The following BICD1 variants were observed in gnomAD, a reference collection of about 807,000 sequenced individuals.
BICD1 encodes the protein protein bicaudal D homolog 1.
Under a neutral mutation model 92.5 loss-of-function variants are expected in BICD1, and 35 were observed. The ratio of observed to expected loss-of-function variants is 0.38; its 90% CI spans 0.29 to 0.50. The LOEUF (loss-of-function observed/expected upper bound fraction) is 0.50, where lower values mean the gene tolerates loss of function less well. Among genes scored for constraint, BICD1 ranks in the 20% least tolerant of loss-of-function variants. The probability of loss-of-function intolerance (pLI) is 0.93; values close to 1 mark genes in which losing one functional copy is unlikely to be tolerated. For missense variants in BICD1, 950 were observed against 1,189.8 expected (o/e 0.80, Z 2.97); for synonymous variants, 429 against 465.1 (o/e 0.92, Z 1.00).
At chr12:32,375,167 C>T (rs1042079746) in intron 9 of BICD1, among the ~76,000 whole-genome samples, 10 of 151,650 alleles carry the variant, frequency 6.6e-5, no homozygotes, top group African/African-American at 2.4e-4. Context: ...GCTCATGATC[C>T]GCCCGCCTTG....
chr12:32,123,520 A>C lies in BICD1; in HGVS notation c.213+15976A>C, dbSNP rs185339552. Among the ~76,000 whole-genome samples the C allele has an allele frequency of 3.9e-5, 6 of 152,354 alleles. No individual in the cohort carries two copies. The East Asian group carries it at 1.2e-3, about 29-fold the overall frequency. On this transcript the variant is annotated intron_variant, in intron 1 of 9. Coordinates refer to ENST00000652176, the MANE Select transcript of BICD1 (RefSeq NM_001714.4). ...TTCCTTCCCACCATAGCAGGTGTTT[A>C]ATAGGTGGTTATGGTATTGCACTGA...
rs56217529 is a variant in BICD1 at position 32,282,202 on chromosome 12, CTTTTTTTTTTTTTT to C, written c.427-11769_427-11756del. ...GCAAGACCCAGCTTCAGGTCTTCTTCTTTTTTTTTTTTTTTTTTTTTTTTTTTTTTTTTTTTGAC... is the reference window on the plus strand; with the variant it reads ...GCAAGACCCAGCTTCAGGTCTTCTTCTTTTTTTTTTTTTTTTTTTTTTGAC... On this transcript the variant is annotated intron_variant, in intron 2 of 9. Transcript: ENST00000652176. Among the ~76,000 whole-genome samples, 173 of 94,254 alleles carry C rather than the reference CTTTTTTTTTTTTTT, an allele frequency of 1.8e-3. 8 individuals are homozygous for C. The highest frequency in any genetic ancestry group is 3.0e-3 in the South Asian group (8 of 2,676). The allele number at this position is 94,254 out of a possible 152,430, so 61.8% of individuals were successfully genotyped here. A position where few individuals can be genotyped will look rare whatever the true frequency, so the allele number is the denominator to read the frequency against.
At chr12:32,111,457 T>C (rs1318859861) in intron 1 of BICD1, among the ~76,000 whole-genome samples, 4 of 152,234 alleles carry the variant, frequency 2.6e-5, no homozygotes, top group Non-Finnish European at 5.9e-5. Context: ...GTTTCTTTTA[T>C]ATCTTTAAGT....
At chr12:32,117,709 T>TACACACACACACACACAC (rs71064996) in intron 1 of BICD1, among the ~76,000 whole-genome samples, 13 of 85,150 alleles carry the variant, frequency 1.5e-4, no homozygotes, top group African/African-American at 6.9e-4. Flanking sequence ...CACAAATATA[T>TACACACACACACACACAC]ATACACACAC....
chr12:32,204,115 T>C (rs1337198218), intron 1 of BICD1, among the ~76,000 whole-genome samples: 3 of 152,060 alleles, frequency 2.0e-5, no homozygotes, highest in Non-Finnish European at 4.4e-5. Context: ...TTGGGAGGCC[T>C]AGACAGGTGG....
At chr12:32,304,073 CAAA>C (rs201713099) in intron 3 of BICD1, among the ~76,000 whole-genome samples, 1 of 140,132 alleles carries the variant, frequency 7.1e-6, no homozygotes. Flanking sequence ...GACTCCGTCT[CAAA>C]AAAAAAAAAA....
intron 2 of BICD1, among the ~76,000 whole-genome samples, chr12:32,217,355 T>A (rs1254501087): frequency 6.6e-6 from 1 of 152,224 alleles, no homozygotes; most frequent in African/African-American, 2.4e-5. Context: ...TTCAATATTG[T>A]AAAGTATAAG....
At chr12:32,208,893 C>T (rs1472505129) in intron 1 of BICD1, among the ~76,000 whole-genome samples, 1 of 151,946 alleles carries the variant, frequency 6.6e-6, no homozygotes, top group Non-Finnish European at 1.5e-5. Flanking sequence ...GGTGCAATCT[C>T]AGCTCACTGC....
intron 1 of BICD1, among the ~76,000 whole-genome samples, chr12:32,117,705 T>TACACACAC (rs1187433090): frequency 1.2e-3 from 105 of 86,042 alleles, no homozygotes; most frequent in Middle Eastern, 0.012. Context: ...TATACACAAA[T>TACACACAC]ATATATACAC....
At chr12:32,341,463 C>CA (rs36000130) in intron 8 of BICD1, among the ~76,000 whole-genome samples, 65,029 of 121,412 alleles carry the variant, frequency 0.54, 16,388 homozygotes, top group East Asian at 0.73. Flanking sequence ...GACACTGTCT[C>CA]AAAAAAAAAA....
At chr12:32,113,137 T>C (rs1322914080) in intron 1 of BICD1, among the ~76,000 whole-genome samples, 1 of 152,072 alleles carries the variant, frequency 6.6e-6, no homozygotes, top group East Asian at 1.9e-4. Context: ...GTGATGGTCA[T>C]AGTGGGTGGA....
At position 32,377,643 on chromosome 12, in the gene BICD1, G is replaced by A. The variant is rs1565706860; in HGVS notation, c.*16G>A. The A allele has an allele frequency of 5.0e-6, 8 of 1,602,650 alleles. No individual in the cohort carries two copies. The highest frequency in any genetic ancestry group is 6.0e-6 in the Non-Finnish European group (7 of 1,169,774). On this transcript the variant is annotated 3_prime_UTR_variant, in exon 10 of 10. Transcript: ENST00000652176. ...TCACCCCTAGTCTTCATCTCCTGTG[G>A]ACGAACATCTGGGGTGGAAGTTTTG...
At chr12:32,108,178 T>C in intron 1 of BICD1, 1 of 199,058 alleles carries the variant, frequency 5.0e-6, no homozygotes, top group Admixed American at 5.3e-5. Flanking sequence ...CCAAGTCTTA[T>C]GAGGTCACCC....
chr12:32,231,322 A>T (rs1442494589), intron 2 of BICD1, among the ~76,000 whole-genome samples: 3 of 152,052 alleles, frequency 2.0e-5, no homozygotes. Context: ...GTCTCTACAA[A>T]AAATACAAAA....
intron 2 of BICD1, among the ~76,000 whole-genome samples, chr12:32,236,361 C>T (rs967655653): frequency 6.6e-6 from 1 of 151,922 alleles, no homozygotes; most frequent in Admixed American, 6.6e-5. Flanking sequence ...TGCCACTGCA[C>T]TCTAGCCTCA....
chr12:32,221,360 T>A (rs199802976), intron 2 of BICD1, among the ~76,000 whole-genome samples: 465 of 142,714 alleles, frequency 3.3e-3, no homozygotes, highest in South Asian at 0.021. Flanking sequence ...AATAAAAAAA[T>A]AAATAAATAA....
At chr12:32,111,963 T>C (rs1941711165) in intron 1 of BICD1, among the ~76,000 whole-genome samples, 1 of 152,016 alleles carries the variant, frequency 6.6e-6, no homozygotes, top group Non-Finnish European at 1.5e-5. Flanking sequence ...ATCACATTTC[T>C]TTTTTTCTGG....
At chr12:32,208,194 C>T (rs1945118266) in intron 1 of BICD1, among the ~76,000 whole-genome samples, 1 of 152,156 alleles carries the variant, frequency 6.6e-6, no homozygotes, top group Admixed American at 6.5e-5. Context: ...AAAACCTTGC[C>T]AAACATTTCA....
At chr12:32,139,633 G>T (rs942977816) in intron 1 of BICD1, among the ~76,000 whole-genome samples, 10 of 152,172 alleles carry the variant, frequency 6.6e-5, no homozygotes, top group Non-Finnish European at 1.2e-4. Context: ...TGCAATCTCG[G>T]CTCACTGCAA....
Sources: gnomAD v4.1 joint callset for allele counts (sites outside exome capture counted in the v4.1 genomes callset) on GRCh38, gnomAD v4.1.1 for gene constraint, MANE v1.5 for transcripts, NCBI Gene and HGNC (gene_info 2026-07-23, HGNC 2026-07-21) for gene names.